Variants in TG observed in about 807,000 individuals in gnomAD.
TG encodes the protein thyroid hormones.
A neutral mutation model predicts 324.7 loss-of-function variants in TG; 270 were observed. The observed-to-expected ratio is 0.83, with a 90% CI of 0.75 to 0.92. The LOEUF (loss-of-function observed/expected upper bound fraction) is 0.92, where lower values mean the gene tolerates loss of function less well. Ranked by LOEUF, TG falls within the 40% of genes least tolerant of loss-of-function variation. The pLI, the probability that TG is intolerant of heterozygous loss-of-function variation, is 0.00. For missense variants in TG, 3,591 were observed against 3,456.4 expected (o/e 1.04, Z -0.98); for synonymous variants, 1,401 against 1,327.0 (o/e 1.06, Z -1.21).
At chr8:133,041,861 C>T (rs557954164) in intron 41 of TG, among the ~76,000 whole-genome samples, 42 of 148,080 alleles carry the variant, frequency 2.8e-4, no homozygotes, top group African/African-American at 9.6e-4. Context: ...GATCTTGGCT[C>T]ATTGCAACCT....
intron 41 of TG, among the ~76,000 whole-genome samples, chr8:133,042,291 A>G (rs1367720599): frequency 6.6e-6 from 1 of 152,166 alleles, no homozygotes; most frequent in East Asian, 1.9e-4. Flanking sequence ...CTCTGTCTAC[A>G]TGGCTCATCA....
intron 8 of TG, 102 bp downstream of exon 8, chr8:132,883,101 A>G: frequency 2.3e-6 from 3 of 1,311,058 alleles, no homozygotes; most frequent in East Asian, 2.5e-5. Flanking sequence ...ACTGCCTTCT[A>G]GTGTGCCCCT....
chr8:133,126,172 G>A (rs1454990218), intron 45 of TG, among the ~76,000 whole-genome samples: 4 of 152,110 alleles, frequency 2.6e-5, no homozygotes, highest in South Asian at 2.1e-4. Context: ...AGGATCAGAG[G>A]GTTAAGCTGG....
intron 41 of TG, chr8:133,040,107 C>A: frequency 6.4e-7 from 1 of 1,574,674 alleles, no homozygotes; most frequent in Non-Finnish European, 8.6e-7. Flanking sequence ...GTGGTGAGCA[C>A]ACAGCACAGG....
intron 30 of TG, among the ~76,000 whole-genome samples, chr8:132,967,047 C>T (rs536698249): frequency 4.6e-5 from 7 of 151,062 alleles, no homozygotes; most frequent in Non-Finnish European, 1.0e-4. Flanking sequence ...CCCATCCATC[C>T]ATCCATCCAT....
intron 44 of TG, among the ~76,000 whole-genome samples, chr8:133,114,110 G>A (rs542556233): frequency 1.3e-5 from 2 of 152,280 alleles, no homozygotes; most frequent in East Asian, 3.9e-4. Flanking sequence ...ATTCCACCTT[G>A]CAGTCCAGGC....
rs1564009303 is a variant in TG, at chr8:132,963,075, G to A, written c.5548+1G>A. On this transcript the variant is annotated splice_donor_variant, in intron 29 of 47. Coordinates refer to ENST00000220616, the MANE Select transcript of TG (RefSeq NM_003235.5). LOFTEE classifies it high-confidence loss of function. ...AGGCCAGCATCTCCAACAGAAGCAG[G>A]TACTGACCCCCAAACCTTCTTACAC... 6.2e-7 allele frequency: 1 copy of A among 1,614,022 alleles called. No individual in the cohort carries two copies. Among genetic ancestry groups the A allele is most frequent in the Non-Finnish European group, 8.5e-7 (1 of 1,179,890 alleles).
chr8:132,899,035 T>C (rs1817551807), intron 14 of TG, 125 bp downstream of exon 14: 1 of 846,970 alleles, frequency 1.2e-6, no homozygotes, highest in Admixed American at 2.0e-5. Context: ...CCTGGGTGTT[T>C]GTCTGGGCCT....
intron 4 of TG, among the ~76,000 whole-genome samples, chr8:132,871,917 G>A (rs566003234): frequency 1.1e-3 from 163 of 152,278 alleles, no homozygotes; most frequent in African/African-American, 3.8e-3. Context: ...GGTCCCATAA[G>A]ATTATAATAA....
chr8:133,096,058 C>T, intron 42 of TG, 148 bp from the exon 43 acceptor site: 1 of 926,956 alleles, frequency 1.1e-6, no homozygotes, highest in Non-Finnish European at 1.7e-6. Flanking sequence ...CACATGGTGT[C>T]CTGCCTGCCA....
At position 133,017,916 on chromosome 8, in the gene TG, C is replaced by A. The variant is rs370991693; in HGVS notation, c.6701C>A (p.Ala2234Asp). 88 of 1,614,094 alleles carry A rather than the reference C, an allele frequency of 5.5e-5. No individual in the cohort carries two copies. The highest frequency in any genetic ancestry group is 6.9e-5 in the Non-Finnish European group (82 of 1,180,042). Residue 2234 changes from alanine (A) to aspartate (D), a missense_variant, in exon 38 of 48, where the codon GCT becomes GAT. Ala to Asp is a moderately radical substitution (Grantham distance 126). Transcript: ENST00000220616. Reference protein sequence around the residue: ...QVDQFLGVPYAAPPLAERRFQ... With the variant: ...QVDQFLGVPYDAPPLAERRFQ... ...GACCAGTTCCTTGGAGTTCCATATG[C>A]TGCCCCGCCCCTGGCAGAGAGGCGC...
At chr8:132,908,773 C>T (rs1413857329) in intron 18 of TG, among the ~76,000 whole-genome samples, 1 of 152,064 alleles carries the variant, frequency 6.6e-6, no homozygotes, top group Non-Finnish European at 1.5e-5. Context: ...GCAGGTCGGG[C>T]CTTGCTTGAG....
chr8:132,915,263 G>A (rs549199831), intron 20 of TG, among the ~76,000 whole-genome samples: 1 of 152,306 alleles, frequency 6.6e-6, no homozygotes, highest in African/African-American at 2.4e-5. Context: ...AGGGAAGGCA[G>A]AGAACCTGTG....
intron 6 of TG, 100 bp downstream of exon 6, chr8:132,882,069 C>T: frequency 1.2e-6 from 1 of 838,730 alleles, no homozygotes; most frequent in Non-Finnish European, 2.0e-6. Context: ...AGAGTGACTG[C>T]CTGCCCCCTG....
chr8:132,994,024 G>A (rs1332570829), intron 35 of TG, among the ~76,000 whole-genome samples: 1 of 152,146 alleles, frequency 6.6e-6, no homozygotes, highest in Non-Finnish European at 1.5e-5. Flanking sequence ...GTACTGCCCT[G>A]TCTTCCTCTT....
intron 29 of TG, chr8:132,964,813 G>T: frequency 1.5e-6 from 1 of 686,770 alleles, no homozygotes; most frequent in South Asian, 1.5e-5. Flanking sequence ...AGTGTGGCAA[G>T]GGATGCAATG....
At chr8:133,112,014 TCACCCAGGAGGGGCTGTTCC>T (rs574767754) in intron 43 of TG, among the ~76,000 whole-genome samples, 4,221 of 152,064 alleles carry the variant, frequency 0.028, 122 homozygotes, top group Non-Finnish European at 0.038. Flanking sequence ...GTGGCTACGT[TCACCCAGGAGGGGCTGTTCC>T]CACCCAGGAG....
At chr8:132,912,707 A>G (rs932474056) in intron 19 of TG, among the ~76,000 whole-genome samples, 18 of 152,176 alleles carry the variant, frequency 1.2e-4, no homozygotes, top group East Asian at 3.9e-4. Context: ...CAGTGCCTCA[A>G]TGAAGGTTGA....
At chr8:133,077,123 GA>G (rs1214031543) in intron 41 of TG, among the ~76,000 whole-genome samples, 3 of 152,178 alleles carry the variant, frequency 2.0e-5, no homozygotes, top group African/African-American at 4.8e-5. Flanking sequence ...ACTGTAGGAG[GA>G]AAGGAAGCCA....
Sources: allele counts gnomAD v4.1 joint callset (sites outside exome capture counted in the v4.1 genomes callset), GRCh38; gene constraint gnomAD v4.1.1; transcripts MANE v1.5; gene names NCBI Gene and HGNC (gene_info 2026-07-23, HGNC 2026-07-21).